The following MINDY4 variants were observed in gnomAD, a reference collection of about 807,000 sequenced individuals.
MINDY4 encodes MINDY lysine 48 deubiquitinase 4, also known as probable ubiquitin carboxyl-terminal hydrolase MINDY-4.
MINDY4 carries 68 observed loss-of-function variants against 87.0 expected under a neutral mutation model. That is an observed-to-expected ratio of 0.78 (90% CI 0.64 to 0.96). The LOEUF (loss-of-function observed/expected upper bound fraction) is 0.96. Among genes scored for constraint, MINDY4 ranks in the 40% least tolerant of loss-of-function variants. The pLI is 0.00. For synonymous variants in MINDY4, 379 were observed against 363.2 expected (o/e 1.04, Z -0.50); for missense variants, 919 against 928.2 (o/e 0.99, Z 0.13).
At chr7:30,849,326 A>G (rs1419772980) in intron 9 of MINDY4, among the ~76,000 whole-genome samples, 1 of 152,202 alleles carries the variant, frequency 6.6e-6, no homozygotes, top group Non-Finnish European at 1.5e-5. Flanking sequence ...GTCTTCATCA[A>G]GTCCTTTTGT....
In MINDY4 at chr7:30,785,734, A is replaced by G; in HGVS notation, c.420-15A>G. 1 of 1,613,778 alleles carries G rather than the reference A, an allele frequency of 6.2e-7. No individual in the cohort carries two copies. On this transcript the variant is annotated splice_polypyrimidine_tract_variant and intron_variant, in intron 3 of 17. Coordinates refer to ENST00000265299, the MANE Select transcript of MINDY4 (RefSeq NM_032222.3). ...TTGGGGAGTCTGTTTTAATGGAAAT[A>G]TTCCTTTTTCACAGACATGACAATC...
At chr7:30,856,044 C>T (rs1738106792) in intron 12 of MINDY4, among the ~76,000 whole-genome samples, 1 of 152,228 alleles carries the variant, frequency 6.6e-6, no homozygotes, top group African/African-American at 2.4e-5. Context: ...GTTTTCATTA[C>T]TGCTCACCCT....
intron 5 of MINDY4, among the ~76,000 whole-genome samples, chr7:30,811,167 G>A (rs963798102): frequency 1.3e-5 from 2 of 151,506 alleles, no homozygotes; most frequent in Non-Finnish European, 2.9e-5. Context: ...GAAAAGGGAT[G>A]GACTCATCAC....
intron 13 of MINDY4, among the ~76,000 whole-genome samples, chr7:30,872,040 C>T (rs771227893): frequency 1.3e-5 from 2 of 152,130 alleles, no homozygotes; most frequent in Non-Finnish European, 2.9e-5. Context: ...GTGAGCTCTA[C>T]TCTAGGAGGC....
intron 3 of MINDY4, 133 bp downstream of exon 3, chr7:30,782,345 T>C: frequency 4.9e-6 from 1 of 202,076 alleles, no homozygotes; most frequent in Admixed American, 7.9e-5. Context: ...TGTATGTTTG[T>C]GTGTGTGTGT....
intron 17 of MINDY4, among the ~76,000 whole-genome samples, chr7:30,891,536 C>G (rs1047637916): frequency 6.6e-6 from 1 of 152,256 alleles, no homozygotes; most frequent in Non-Finnish European, 1.5e-5. Flanking sequence ...CCTCCCCACC[C>G]TCTGTCCCCA....
At chr7:30,842,231 C>G (rs1789061333) in intron 9 of MINDY4, among the ~76,000 whole-genome samples, 1 of 152,222 alleles carries the variant, frequency 6.6e-6, no homozygotes, top group Admixed American at 6.5e-5. Flanking sequence ...TTGTTCTTCT[C>G]TCTGCTTCCC....
chr7:30,800,062 C>G (rs1787602017), intron 5 of MINDY4, among the ~76,000 whole-genome samples: 1 of 152,160 alleles, frequency 6.6e-6, no homozygotes, highest in Non-Finnish European at 1.5e-5. Flanking sequence ...AAGGACGATT[C>G]TCCAGAAAAG....
chr7:30,797,877 C>T (rs1324176394), intron 5 of MINDY4, among the ~76,000 whole-genome samples: 1 of 152,120 alleles, frequency 6.6e-6, no homozygotes, highest in Non-Finnish European at 1.5e-5. Flanking sequence ...GGTGGTGAGA[C>T]ATGGGCTAGA....
At chr7:30,775,379 G>C (rs1165255133) in intron 1 of MINDY4, among the ~76,000 whole-genome samples, 1 of 152,166 alleles carries the variant, frequency 6.6e-6, no homozygotes, top group Non-Finnish European at 1.5e-5. Context: ...TTACTATAAA[G>C]GACACAATTC....
chr7:30,888,531 G>A (rs1169205060), intron 17 of MINDY4, among the ~76,000 whole-genome samples: 1 of 152,152 alleles, frequency 6.6e-6, no homozygotes, highest in Non-Finnish European at 1.5e-5. Flanking sequence ...CTCCTCAGAG[G>A]TGTTTCCATT....
At chr7:30,857,046 G>A (rs1056626029) in intron 12 of MINDY4, among the ~76,000 whole-genome samples, 9 of 152,206 alleles carry the variant, frequency 5.9e-5, no homozygotes, top group Non-Finnish European at 1.2e-4. Context: ...GAATGAAGAC[G>A]AGGTTGATTT....
rs1719097205 is a variant in MINDY4 at position 30,836,554 on chromosome 7, C to G, written c.1133-104C>G. 3 of 945,644 alleles carry G rather than the reference C, an allele frequency of 3.2e-6. No homozygotes were observed. In the South Asian group the frequency reaches 4.5e-5, roughly 14 times the overall value. 58.6% of individuals were successfully genotyped at this position (945,644 alleles called of 1,614,324 possible). A position where few individuals can be genotyped will look rare whatever the true frequency, so the allele number is the denominator to read the frequency against. On this transcript the variant is annotated intron_variant, in intron 6 of 17. Transcript: ENST00000265299. ...TGCGGGGAGGAACCCTCCTTTCACT[C>G]AAACCTTCTACAAACTTAGCAATGT...
rs571682742 is a variant in MINDY4 at position 30,844,943 on chromosome 7, AT to A, written c.1445+4097del. 3.9e-5 allele frequency among the ~76,000 whole-genome samples: 6 copies of A among 152,302 alleles called. No individual in the cohort carries two copies. In the South Asian group the frequency reaches 1.2e-3, roughly 32 times the overall value. ...AAGGGCTCTATAAGTGAGTAGGGCC[AT>A]TGAACTCAGCCTGCCATGGTACAGA... On this transcript the variant is annotated intron_variant, in intron 9 of 17. Transcript: ENST00000265299.
At chr7:30,829,365 C>T (rs58682391) in intron 6 of MINDY4, among the ~76,000 whole-genome samples, 1 of 151,980 alleles carries the variant, frequency 6.6e-6, no homozygotes, top group Non-Finnish European at 1.5e-5. Flanking sequence ...CTAGAGACTG[C>T]GGATGTTGAG....
chr7:30,777,564 A>G (rs1235042126), intron 1 of MINDY4, among the ~76,000 whole-genome samples: 2 of 152,166 alleles, frequency 1.3e-5, no homozygotes. Flanking sequence ...CATGGTGGGC[A>G]TGGGTTTTGT....
chr7:30,822,335 T>A (rs1788360191), intron 5 of MINDY4, among the ~76,000 whole-genome samples: 1 of 152,026 alleles, frequency 6.6e-6, no homozygotes, highest in Non-Finnish European at 1.5e-5. Flanking sequence ...CAAGCCTGGG[T>A]AATTTTTGTA....
At position 30,843,561 on chromosome 7, in the gene MINDY4, G is replaced by A. The variant is rs527313766; in HGVS notation, c.1445+2713G>A. ...GCATGTTCCAGGAAGAGCCGACTCT[G>A]CTCAGGGCACAAGGCAGACTTGGTT... On this transcript the variant is annotated intron_variant, in intron 9 of 17. Coordinates refer to ENST00000265299, the MANE Select transcript of MINDY4 (RefSeq NM_032222.3). 2.8e-4 allele frequency among the ~76,000 whole-genome samples: 40 copies of A among 140,878 alleles called. No homozygotes were observed. The South Asian group carries it at 8.9e-3, about 32-fold the overall frequency. 92.4% of individuals were successfully genotyped at this position (140,878 alleles called of 152,430 possible). A position where few individuals can be genotyped will look rare whatever the true frequency, so the allele number is the denominator to read the frequency against.
chr7:30,854,998 G>C lies in MINDY4; in HGVS notation c.1677+1539G>C, dbSNP rs1448951953. Among the ~76,000 whole-genome samples, 3 of 152,216 alleles carry C rather than the reference G, an allele frequency of 2.0e-5. No homozygotes were observed. In the East Asian group the frequency reaches 5.8e-4, roughly 29 times the overall value. The stretch of plus-strand genomic sequence containing the variant: ...AGAAGGAGTGCTGGCCGGGGCATCG[G>C]GAGCCCCAGGCTGTCTGTCCTTTGC... On this transcript the variant is annotated intron_variant, in intron 12 of 17. Transcript: ENST00000265299.
Sources: allele counts gnomAD v4.1 joint callset (sites outside exome capture counted in the v4.1 genomes callset), GRCh38; gene constraint gnomAD v4.1.1; transcripts MANE v1.5; gene names NCBI Gene and HGNC (gene_info 2026-07-23, HGNC 2026-07-21).